Variants in ADAR observed in about 807,000 individuals in gnomAD.
ADAR encodes double-stranded RNA-specific adenosine deaminase.
A neutral mutation model predicts 113.2 loss-of-function variants in ADAR; 41 were observed. The observed-to-expected ratio is 0.36, with a 90% confidence interval of 0.28 to 0.47. The LOEUF (loss-of-function observed/expected upper bound fraction) is 0.47, where lower values mean the gene tolerates loss of function less well. Among genes scored for constraint, ADAR ranks in the 20% least tolerant of loss-of-function variants. ADAR has a pLI of 1.00. For missense variants in ADAR, 1,242 were observed against 1,540.9 expected (o/e 0.81, Z 3.25); for synonymous variants, 605 against 572.6 (o/e 1.06, Z -0.81).
chr1:154,590,068 C>G, intron 7 of ADAR, 116 bp downstream of exon 7: 4 of 1,491,840 alleles, frequency 2.7e-6, no homozygotes, highest in Non-Finnish European at 3.7e-6. Context: ...TTACTGCTCT[C>G]TCGAGGCTAA....
At chr1:154,622,047 C>T (rs549872527) in intron 1 of ADAR, among the ~76,000 whole-genome samples, 109 of 152,188 alleles carry the variant, frequency 7.2e-4, no homozygotes, top group African/African-American at 2.6e-3. Flanking sequence ...GATGGATGTG[C>T]TCTGCAGGGG....
intron 1 of ADAR, among the ~76,000 whole-genome samples, chr1:154,614,091 A>G (rs187988957): frequency 1.1e-4 from 17 of 152,306 alleles, no homozygotes; most frequent in Non-Finnish European, 2.5e-4. Context: ...TAACATTTGC[A>G]ATAATATTAC....
chr1:154,611,037 G>A (rs1452304437), upstream of ADAR, among the ~76,000 whole-genome samples: 1 of 151,980 alleles, frequency 6.6e-6, no homozygotes, highest in East Asian at 1.9e-4. Flanking sequence ...AATTTAAAAG[G>A]TAAAAACAAA....
chr1:154,590,514 A>C lies in ADAR; in HGVS notation c.2271-105T>G, dbSNP rs554802105. 6.8e-5 allele frequency: 73 copies of C among 1,066,016 alleles called. No individual in the cohort carries two copies. In the African/African-American group the frequency reaches 1.0e-3, roughly 15 times the overall value. 66.0% of individuals were successfully genotyped at this position (1,066,016 alleles called of 1,614,324 possible). On this transcript the variant is annotated intron_variant, in intron 6 of 14. Transcript: ENST00000368474. ...TGTGGCCAGTCTTGCAAACATATGG[A>C]CCCGTCAAACAGAAGCTGTTTCTAA...
chr1:154,599,330 G>GA (rs1697712155), intron 2 of ADAR, among the ~76,000 whole-genome samples: 1 of 152,196 alleles, frequency 6.6e-6, no homozygotes. Context: ...TAGGTCTTCT[G>GA]ATATATTTGA....
chr1:154,587,990 G>T, intron 11 of ADAR, 135 bp downstream of exon 11: 1 of 1,370,044 alleles, frequency 7.3e-7, no homozygotes, highest in Non-Finnish European at 1.0e-6. Context: ...CCTGACCCAG[G>T]TCTTCCCTTT....
chr1:154,584,644 A>C lies in ADAR; in HGVS notation c.*162T>G. The stretch of plus-strand genomic sequence containing the variant: ...CTTGCCTAGCAATCCCAAAGAAAGC[A>C]GGATAAATGGGAACCCAAAGTTTTC... On this transcript the variant is annotated 3_prime_UTR_variant, in exon 15 of 15. Coordinates refer to ENST00000368474, the MANE Select transcript of ADAR (RefSeq NM_001111.5). 1 of 694,876 alleles carries C rather than the reference A, an allele frequency of 1.4e-6. No individual in the cohort carries two copies. The highest frequency in any genetic ancestry group is 2.5e-6 in the Non-Finnish European group (1 of 400,892). The allele number at this position is 694,876 out of a possible 1,614,324, so 43.0% of individuals were successfully genotyped here.
At chr1:154,623,596 T>C (rs1005903921) in intron 1 of ADAR, among the ~76,000 whole-genome samples, 3 of 152,168 alleles carry the variant, frequency 2.0e-5, no homozygotes, top group African/African-American at 4.8e-5. Context: ...ACCTCTCCAA[T>C]TGTGGTCTCC....
chr1:154,594,946 T>C, intron 6 of ADAR, among the ~76,000 whole-genome samples: 1 of 152,226 alleles, frequency 6.6e-6, no homozygotes, highest in East Asian at 1.9e-4. Flanking sequence ...CTCAAGAAAC[T>C]GGTATAGTCA....
intron 10 of ADAR, 129 bp downstream of exon 10, chr1:154,588,422 G>A: frequency 6.7e-7 from 1 of 1,501,146 alleles, no homozygotes; most frequent in East Asian, 2.3e-5. Context: ...ACCTGAATAT[G>A]GACCTCAAAC....
At position 154,601,047 on chromosome 1, in the gene ADAR, T is replaced by C; in HGVS notation, c.1595A>G (p.Glu532Gly). ...NMIEQSGPPH[E>G]PRFKFQVVIN... ...TTCCTGGGTGGTCTCTTACCGAGGT[T>C]CATGGGGTGGTCCACTCTGCTCTAT... Residue 532 changes from glutamate (E) to glycine (G), a missense_variant, in exon 2 of 15, where the codon GAA (glutamate) becomes GGA (glycine). This residue lies in a region of ADAR where 780 missense variants were observed against 1,057.9 expected (regional missense o/e 0.74). Transcript: ENST00000368474. The surrounding 1 kb of genome is among the most constrained non-coding windows in gnomAD (Gnocchi z 4.7). The C allele has an allele frequency of 6.2e-7, 1 of 1,614,140 alleles. No individual in the cohort carries two copies. Among genetic ancestry groups the C allele is most frequent in the Non-Finnish European group, 8.5e-7 (1 of 1,180,036 alleles).
At chr1:154,624,021 A>G (rs2101704192) in intron 1 of ADAR, among the ~76,000 whole-genome samples, 1 of 152,100 alleles carries the variant, frequency 6.6e-6, no homozygotes, top group African/African-American at 2.4e-5. Flanking sequence ...CTCAAAAAAA[A>G]AAAAAGAAAA....
intron 11 of ADAR, 139 bp downstream of exon 11, chr1:154,587,986 C>A: frequency 7.5e-7 from 1 of 1,339,122 alleles, no homozygotes; most frequent in Non-Finnish European, 1.1e-6. Context: ...GCTCCCTGAC[C>A]CAGGTCTTCC....
chr1:154,602,477 C>T lies in ADAR; in HGVS notation c.165G>A (p.Pro55=), dbSNP rs570176840. The change falls in exon 2 of 15, where the codon CCG becomes CCA. Residue 55 remains proline (P), a synonymous_variant. Coordinates refer to ENST00000368474, the MANE Select transcript of ADAR (RefSeq NM_001111.5). Reference sequence around the variant, plus strand: ...GTGACGGTGTCTGCTTTCCAATCACCGGTGCTTCTGGGAGCTGCCCCTTGA... The same window carrying T: ...GTGACGGTGTCTGCTTTCCAATCACTGGTGCTTCTGGGAGCTGCCCCTTGA... ...EFLKGQLPEA[P]VIGKQTPSLP... The T allele has an allele frequency of 2.9e-5, 46 of 1,613,932 alleles. 1 individual carries two copies. The highest frequency in any genetic ancestry group is 2.5e-4 in the South Asian group (23 of 91,078).
At chr1:154,596,546 A>G (rs1697507329) in intron 6 of ADAR, among the ~76,000 whole-genome samples, 1 of 152,134 alleles carries the variant, frequency 6.6e-6, no homozygotes, top group Non-Finnish European at 1.5e-5. Flanking sequence ...GGCCTGAATG[A>G]TTTTTTAATG....
intron 1 of ADAR, chr1:154,605,879 TAG>T (rs1445364607): frequency 6.0e-6 from 4 of 671,584 alleles, no homozygotes; most frequent in Non-Finnish European, 7.4e-6. Context: ...TCAAAGTGGC[TAG>T]AGTCAGTTAA....
chr1:154,586,515 TG>T (rs1696773815), intron 11 of ADAR, 152 bp from the exon 12 acceptor site: 13 of 846,282 alleles, frequency 1.5e-5, no homozygotes, highest in African/African-American at 6.7e-5. Flanking sequence ...GCACTATGCT[TG>T]GTGCTGGGAA....
intron 1 of ADAR, chr1:154,605,879 T>C: frequency 1.6e-5 from 11 of 671,702 alleles, no homozygotes; most frequent in Non-Finnish European, 2.0e-5. Flanking sequence ...TCAAAGTGGC[T>C]AGAGTCAGTT....
chr1:154,584,898 T>G lies in ADAR; in HGVS notation c.3589A>C (p.Asn1197His). 2 of 1,614,150 alleles carry G rather than the reference T, an allele frequency of 1.2e-6. No homozygotes were observed. Among genetic ancestry groups the G allele is most frequent in the South Asian group, 2.2e-5 (2 of 91,080 alleles). ...KAARDYETAK[N>H]YFKKGLKDMG... is the part of the protein sequence containing the mutation. Reference sequence around the variant, plus strand: ...TCCTTCAGGCCTTTTTTGAAGTAGTTCTTGGCCGTCTCGTAGTCACGGGCA... The same window carrying G: ...TCCTTCAGGCCTTTTTTGAAGTAGTGCTTGGCCGTCTCGTAGTCACGGGCA... The change falls in exon 15 of 15, where the codon AAC becomes CAC. Residue 1197 changes from asparagine to histidine, a missense_variant. By Grantham distance (68) the Asn-to-His change is moderately conservative. Coordinates refer to ENST00000368474, the MANE Select transcript of ADAR (RefSeq NM_001111.5).
Sources: gnomAD v4.1 joint callset for allele counts (sites outside exome capture counted in the v4.1 genomes callset) on GRCh38, gnomAD v4.1.1 for gene constraint, gnomAD v4.1.1 regional missense constraint, Gnocchi (gnomAD v3.1) non-coding constraint, MANE v1.5 for transcripts, NCBI Gene and HGNC (gene_info 2026-07-23, HGNC 2026-07-21) for gene names.